AFG3L2: variants seen among roughly 807,000 people sequenced by gnomAD.
AFG3L2 encodes mitochondrial inner membrane m-AAA protease component AFG3L2.
AFG3L2 carries 54 observed loss-of-function variants against 94.5 expected under a neutral mutation model. The observed-to-expected ratio is 0.57, with a 90% CI of 0.46 to 0.72. The LOEUF is 0.72. Ranked by LOEUF, AFG3L2 falls within the 30% of genes least tolerant of loss-of-function variation. AFG3L2 has a pLI of 0.00. For missense variants in AFG3L2, 754 were observed against 994.9 expected (o/e 0.76, Z 3.26); for synonymous variants, 377 against 365.5 (o/e 1.03, Z -0.36).
At position 12,344,181 on chromosome 18, in the gene AFG3L2, C is replaced by G. The variant is rs1442855643; in HGVS notation, c.1730G>C (p.Gly577Ala). 3 of 1,613,984 alleles carry G rather than the reference C, an allele frequency of 1.9e-6. No individual in the cohort carries two copies. Among genetic ancestry groups the G allele is most frequent in the Non-Finnish European group, 2.5e-6 (3 of 1,180,050 alleles). Residue 577 changes from glycine (G) to alanine (A), a missense_variant, in exon 14 of 17, where the codon GGC becomes GCC. By Grantham distance (60) the Gly-to-Ala change is moderately conservative (BLOSUM62 0). This residue lies in a region of AFG3L2 where 279 missense variants were observed against 378.6 expected (regional missense o/e 0.74). Coordinates refer to ENST00000269143, the MANE Select transcript of AFG3L2 (RefSeq NM_006796.3). Reference sequence around the variant, plus strand: ...CAGATACCAGCCGGCAACCGCATGGCCTGCTTCGTGGTATGCCACAGTCTT... The same window carrying G: ...CAGATACCAGCCGGCAACCGCATGGGCTGCTTCGTGGTATGCCACAGTCTT... ...EKKTVAYHEA[G>A]HAVAGWYLEH... is the part of the protein sequence containing the mutation.
At chr18:12,356,431 C>G (rs1370734418) in intron 9 of AFG3L2, among the ~76,000 whole-genome samples, 1 of 152,144 alleles carries the variant, frequency 6.6e-6, no homozygotes, top group Non-Finnish European at 1.5e-5. Flanking sequence ...GAATTACAGG[C>G]ATGAGCCACC....
chr18:12,331,860 T>TATATAA (rs1907543197), intron 16 of AFG3L2, among the ~76,000 whole-genome samples: 3 of 141,130 alleles, frequency 2.1e-5, no homozygotes, highest in African/African-American at 8.4e-5. Flanking sequence ...TATATATATA[T>TATATAA]AAAACAAGGG....
chr18:12,333,052 AATAGATTATAATCTATTATATAACT>A (rs1274339301), intron 16 of AFG3L2, among the ~76,000 whole-genome samples: 1 of 8,020 alleles, frequency 1.2e-4, no homozygotes, highest in Admixed American at 3.8e-3. Flanking sequence ...TCTATTATAT[AATAGATTATAATCTATTATATAACT>A]ATTATATAAT....
intron 1 of AFG3L2, among the ~76,000 whole-genome samples, chr18:12,375,258 T>C (rs1105179): frequency 0.28 from 38,605 of 139,580 alleles, 6,098 homozygotes; most frequent in African/African-American, 0.41. Context: ...CCACCCCCGC[T>C]CTTTTTTTTT....
At chr18:12,375,475 C>T (rs1360541920) in intron 1 of AFG3L2, among the ~76,000 whole-genome samples, 4 of 151,624 alleles carry the variant, frequency 2.6e-5, no homozygotes, top group Non-Finnish European at 5.9e-5. Flanking sequence ...AATTCCAACA[C>T]TTTGAGAGGA....
intron 6 of AFG3L2, among the ~76,000 whole-genome samples, chr18:12,361,638 C>T (rs1013992705): frequency 1.1e-4 from 16 of 152,296 alleles, no homozygotes; most frequent in African/African-American, 3.6e-4. Flanking sequence ...CAAAGTCAGA[C>T]TCAGTCTCAA....
At chr18:12,343,908 C>T (rs1908036258) in intron 14 of AFG3L2, 2 of 577,422 alleles carry the variant, frequency 3.5e-6, no homozygotes, top group East Asian at 2.9e-5. Context: ...CCAGCTCTCG[C>T]CTGCTTTTGG....
chr18:12,362,192 G>A (rs1185926962), intron 6 of AFG3L2, among the ~76,000 whole-genome samples: 3 of 152,198 alleles, frequency 2.0e-5, no homozygotes, highest in Non-Finnish European at 4.4e-5. Flanking sequence ...CACAGAGAAG[G>A]TAAGCCATCT....
intron 10 of AFG3L2, 100 bp downstream of exon 10, chr18:12,352,904 GA>G (rs1908363397): frequency 6.5e-7 from 1 of 1,548,048 alleles, no homozygotes; most frequent in Non-Finnish European, 8.8e-7. Context: ...GCAGTGAGCC[GA>G]AATCACACCA....
intron 16 of AFG3L2, among the ~76,000 whole-genome samples, chr18:12,334,478 G>A (rs1019451513): frequency 1.3e-5 from 2 of 152,152 alleles, no homozygotes; most frequent in African/African-American, 2.4e-5. Context: ...CTATCTGGCA[G>A]CCCTGACCTC....
rs1907581690 is a variant in AFG3L2, at chr18:12,332,869, G to A, written c.2176-3086C>T. Among the ~76,000 whole-genome samples, 4 of 44,358 alleles carry A rather than the reference G, an allele frequency of 9.0e-5. No individual in the cohort carries two copies. In the South Asian group the frequency reaches 3.5e-3, roughly 39 times the overall value. The allele number at this position is 44,358 out of a possible 152,430, so 29.1% of individuals were successfully genotyped here. Reference sequence around the variant, plus strand: ...ACACACACACACCATAGTTGTGGGTGATCACTTACATTTCAATAATTTAAT... The same window carrying A: ...ACACACACACACCATAGTTGTGGGTAATCACTTACATTTCAATAATTTAAT... On this transcript the variant is annotated intron_variant, in intron 16 of 16. Transcript: ENST00000269143.
intron 9 of AFG3L2, among the ~76,000 whole-genome samples, chr18:12,354,500 G>A (rs563549797): frequency 2.0e-5 from 3 of 152,282 alleles, no homozygotes; most frequent in Admixed American, 2.0e-4. Context: ...TGTGCCATGG[G>A]TCTCCCCCAG....
chr18:12,366,460 A>C (rs1001020873), intron 5 of AFG3L2, among the ~76,000 whole-genome samples: 1 of 152,158 alleles, frequency 6.6e-6, no homozygotes, highest in African/African-American at 2.4e-5. Flanking sequence ...CCACGCACCC[A>C]CTTGGCCCTC....
intron 1 of AFG3L2, 71 bp from the exon 2 acceptor site, chr18:12,371,762 G>T: frequency 7.9e-7 from 1 of 1,259,898 alleles, no homozygotes; most frequent in South Asian, 1.2e-5. Context: ...TCATTTCCTG[G>T]TCATAAAGTA....
intron 14 of AFG3L2, chr18:12,343,641 T>C (rs1419467675): frequency 5.5e-6 from 1 of 181,592 alleles, no homozygotes; most frequent in Non-Finnish European, 1.2e-5. Context: ...ATGTGTAGTT[T>C]AGTTGTCGGC....
In AFG3L2 at chr18:12,368,365, C is replaced by T. The variant is rs1445076149; in HGVS notation, c.293-983G>A. On this transcript the variant is annotated intron_variant, in intron 3 of 16. Transcript: ENST00000269143. ...CAGGAAGACCTTATCTCAAAAACAA[C>T]AGCAACAACAAAACAAAACAAAAGT... is the stretch of plus-strand genomic sequence containing the variant. Among the ~76,000 whole-genome samples, 4 of 152,004 alleles carry T rather than the reference C, an allele frequency of 2.6e-5. No individual in the cohort carries two copies. The South Asian group carries it at 8.3e-4, about 32-fold the overall frequency.
rs1026746135 is a variant in AFG3L2, at chr18:12,363,935, T to C, written c.553-79A>G. The C allele has an allele frequency of 9.1e-6, 10 of 1,093,370 alleles. No homozygotes were observed. In the African/African-American group the frequency reaches 1.5e-4, roughly 17 times the overall value. 67.7% of individuals were successfully genotyped at this position (1,093,370 alleles called of 1,614,324 possible). A position where few individuals can be genotyped will look rare whatever the true frequency, so the allele number is the denominator to read the frequency against. ...CTCTTTTAAGCTCATTTAAAATGCA[T>C]ATGATGTTTCAGCCACACAAGGAAA... On this transcript the variant is annotated intron_variant, in intron 5 of 16. Transcript: ENST00000269143.
At chr18:12,333,104 T>C (rs1331588247) in intron 16 of AFG3L2, among the ~76,000 whole-genome samples, 3 of 51,772 alleles carry the variant, frequency 5.8e-5, no homozygotes, top group Non-Finnish European at 1.2e-4. Flanking sequence ...TAATCTATTA[T>C]ATAACTATTA....
At chr18:12,349,807 C>A (rs896790741) in intron 12 of AFG3L2, among the ~76,000 whole-genome samples, 3 of 150,314 alleles carry the variant, frequency 2.0e-5, no homozygotes, top group Admixed American at 2.0e-4. Flanking sequence ...GATTACAGCA[C>A]CCCCACCACC....
Sources: allele counts gnomAD v4.1 joint callset (sites outside exome capture counted in the v4.1 genomes callset), GRCh38; gene constraint gnomAD v4.1.1; regional missense constraint gnomAD v4.1.1; transcripts MANE v1.5; gene names NCBI Gene and HGNC (gene_info 2026-07-23, HGNC 2026-07-21).